The following IWS1 variants were observed in gnomAD, a reference collection of about 807,000 sequenced individuals.
IWS1 encodes the protein protein IWS1 homolog.
In IWS1, 27 loss-of-function variants were observed where a neutral mutation model predicts 86.7. The observed-to-expected ratio is 0.31, with a 90% CI of 0.23 to 0.43. The LOEUF (loss-of-function observed/expected upper bound fraction) is 0.43. IWS1 is among the 20% of genes least tolerant of loss of function. The pLI is 1.00. For missense variants in IWS1, 827 were observed against 1,000.8 expected, an observed-to-expected ratio of 0.83 and a Z score of 2.34; for synonymous variants, 313 against 335.1, an observed-to-expected ratio of 0.93 and a Z score of 0.72.
intron 8 of IWS1, among the ~76,000 whole-genome samples, chr2:127,494,022 T>G (rs1459492753): frequency 6.6e-6 from 1 of 152,084 alleles, no homozygotes; most frequent in African/African-American, 2.4e-5. Context: ...GGCAGCTCAC[T>G]GATGCACCAA....
chr2:127,502,936 T>C (rs1438363720), intron 4 of IWS1, 64 bp from the exon 5 acceptor site: 12 of 933,210 alleles, frequency 1.3e-5, no homozygotes, highest in Non-Finnish European at 1.9e-5. Flanking sequence ...GGAACCATTT[T>C]TTAAAAAATA....
chr2:127,518,691 G>A lies in IWS1; in HGVS notation c.150+4985C>T, dbSNP rs539502362. 7.1e-4 allele frequency among the ~76,000 whole-genome samples: 107 copies of A among 150,136 alleles called. 2 individuals carry two copies. Among genetic ancestry groups the A allele is most frequent in the Admixed American group, 1.4e-3 (21 of 14,980 alleles). On this transcript the variant is annotated intron_variant, in intron 2 of 13. Coordinates refer to ENST00000295321, the MANE Select transcript of IWS1 (RefSeq NM_017969.3). The stretch of plus-strand genomic sequence containing the variant: ...AGTGATTCTCCGGCCTCAGCCTCCC[G>A]AGTAGCTGGGATTATAGGAGCCTGT...
chr2:127,506,103 T>C (rs1197305471), intron 2 of IWS1, among the ~76,000 whole-genome samples: 2 of 152,214 alleles, frequency 1.3e-5, no homozygotes, highest in East Asian at 3.8e-4. Context: ...AACTCTAGGC[T>C]GGACAAGGTG....
chr2:127,494,245 T>TAAAAAAAAAA (rs11327472), intron 8 of IWS1, among the ~76,000 whole-genome samples: 3 of 94,072 alleles, frequency 3.2e-5, no homozygotes, highest in African/African-American at 4.3e-5. Flanking sequence ...TGTCTCTAAT[T>TAAAAAAAAAA]AAAAAAAAAA....
intron 13 of IWS1, among the ~76,000 whole-genome samples, chr2:127,483,603 GCTGT>G (rs1234674582): frequency 1.2e-4 from 1 of 8,426 alleles, no homozygotes; most frequent in Admixed American, 1.9e-3. Context: ...GGGGGGTTGG[GCTGT>G]GTGTGTGTGT....
intron 13 of IWS1, among the ~76,000 whole-genome samples, chr2:127,481,938 C>T (rs1689653621): frequency 6.6e-6 from 1 of 151,972 alleles, no homozygotes; most frequent in African/African-American, 2.4e-5. Flanking sequence ...AAGTCTTTAC[C>T]CATTTGCCCT....
intron 5 of IWS1, among the ~76,000 whole-genome samples, chr2:127,500,473 T>C (rs1334160281): frequency 6.6e-6 from 1 of 152,176 alleles, no homozygotes; most frequent in African/African-American, 2.4e-5. Flanking sequence ...TAAAGTGACC[T>C]CTTTATCTTA....
rs886107527 is a variant in IWS1 at position 127,511,710 on chromosome 2, G to A, written c.151-5958C>T. 2.6e-5 allele frequency among the ~76,000 whole-genome samples: 4 copies of A among 152,172 alleles called. No homozygotes were observed. In the East Asian group the frequency reaches 5.8e-4, roughly 22 times the overall value. ...CTCAAAATACACTCACTAAAATGAA[G>A]AAACCCCACAAGCAATGCTTAACAT... On this transcript the variant is annotated intron_variant, in intron 2 of 13. Transcript: ENST00000295321.
At chr2:127,503,705 T>TAAAA (rs869033410) in intron 3 of IWS1, 129 bp from the exon 4 acceptor site, 2 of 298,740 alleles carry the variant, frequency 6.7e-6, no homozygotes, top group Non-Finnish European at 5.4e-6. Flanking sequence ...AATAAATAAA[T>TAAAA]AAAATAAAAT....
In IWS1 at chr2:127,503,537, GA is replaced by G. The variant is rs770164680; in HGVS notation, c.1258del (p.Ser420LeufsTer17). On this transcript the variant is annotated frameshift_variant, in exon 4 of 14. Transcript: ENST00000295321. LOFTEE classifies it high-confidence loss of function. ...KSRVVSDADD[S>X]DSDAVSDKSG... ...CTTGTCTGATACAGCATCACTGTCA[GA>G]GTCATCTGCATCAGAGACAACACGA... 6.2e-7 allele frequency: 1 copy of G among 1,611,772 alleles called. No homozygotes were observed. Among genetic ancestry groups the G allele is most frequent in the South Asian group, 1.1e-5 (1 of 90,694 alleles).
chr2:127,501,076 G>A (rs1032367783), intron 5 of IWS1, among the ~76,000 whole-genome samples: 1 of 151,990 alleles, frequency 6.6e-6, no homozygotes, highest in Non-Finnish European at 1.5e-5. Context: ...TACTCATTTA[G>A]ACTTATACAC....
rs1016998624 is a variant in IWS1 at position 127,508,318 on chromosome 2, T to G, written c.151-2566A>C. ...AAGTATGTATATGATATTTCAAAAG[T>G]GTACTGGAAGTGCATCTATATGAAA... On this transcript the variant is annotated intron_variant, in intron 2 of 13. Transcript: ENST00000295321. 3.3e-5 allele frequency among the ~76,000 whole-genome samples: 5 copies of G among 150,750 alleles called. No individual in the cohort carries two copies. In the East Asian group the frequency reaches 9.9e-4, roughly 30 times the overall value.
chr2:127,492,154 C>T (rs1690260646), intron 9 of IWS1, 66 bp from the exon 10 acceptor site: 1 of 967,000 alleles, frequency 1.0e-6, no homozygotes, highest in East Asian at 2.4e-5. Context: ...CTAGTCTATT[C>T]TAGAGACCTG....
At chr2:127,495,181 G>T (rs1268198586) in intron 7 of IWS1, among the ~76,000 whole-genome samples, 2 of 152,042 alleles carry the variant, frequency 1.3e-5, no homozygotes, top group Non-Finnish European at 2.9e-5. Flanking sequence ...ACTACAAATT[G>T]AGAGAAACAA....
In IWS1 at chr2:127,504,609, G is replaced by A. The variant is rs190535046; in HGVS notation, c.1219+75C>T. 4.9e-5 allele frequency: 50 copies of A among 1,026,258 alleles called. No homozygotes were observed. In the East Asian group the frequency reaches 1.1e-3, roughly 22 times the overall value. The allele number at this position is 1,026,258 out of a possible 1,614,324, so 63.6% of individuals were successfully genotyped here. ...AGAACACAGATCTGACATACCAAGAGGATACAATGTTCCACAGTTACAAGC... is the reference window on the plus strand; with the variant it reads ...AGAACACAGATCTGACATACCAAGAAGATACAATGTTCCACAGTTACAAGC... On this transcript the variant is annotated intron_variant, in intron 3 of 13. Coordinates refer to ENST00000295321, the MANE Select transcript of IWS1 (RefSeq NM_017969.3).
intron 12 of IWS1, chr2:127,487,921 C>G (rs953728968): frequency 6.6e-6 from 1 of 152,288 alleles, no homozygotes; most frequent in African/African-American, 2.4e-5. Context: ...TTCCCTGTAA[C>G]TCTTACTTTC....
chr2:127,496,113 T>C lies in IWS1; in HGVS notation c.1601A>G (p.Gln534Arg), dbSNP rs1690497936. ...CTTGCCACTCATGCTCTTTTTTCGC[T>C]GCAACATCATCTCAAAATCTGACAG... ...DFLSDFEMML[Q>R]RKKSMSGKRR... is the part of the protein sequence containing the mutation. Residue 534 changes from glutamine (Q) to arginine (R), a missense_variant, in exon 7 of 14, where the codon CAG (glutamine) becomes CGG (arginine). Physicochemically the swap from Gln to Arg is conservative, Grantham distance 43. Coordinates refer to ENST00000295321, the MANE Select transcript of IWS1 (RefSeq NM_017969.3). 1 of 1,613,928 alleles carries C rather than the reference T, an allele frequency of 6.2e-7. No individual in the cohort carries two copies. The highest frequency in any genetic ancestry group is 8.5e-7 in the Non-Finnish European group (1 of 1,179,938).
Position 127,505,805 on chromosome 2 carries a change from T to A in IWS1, c.151-53A>T. 1 of 1,129,146 alleles carries A rather than the reference T, an allele frequency of 8.9e-7. No individual in the cohort carries two copies. The highest frequency in any genetic ancestry group is 1.2e-6 in the Non-Finnish European group (1 of 800,828). 69.9% of individuals were successfully genotyped at this position (1,129,146 alleles called of 1,614,324 possible). A position where few individuals can be genotyped will look rare whatever the true frequency, so the allele number is the denominator to read the frequency against. Reference sequence around the variant, plus strand: ...GAAAGTGCAAAAAAAAAAAAACCATTAATAATAAAACATTAAATTTTTTCT... The same window carrying A: ...GAAAGTGCAAAAAAAAAAAAACCATAAATAATAAAACATTAAATTTTTTCT... On this transcript the variant is annotated intron_variant, in intron 2 of 13. Transcript: ENST00000295321. The surrounding 1 kb of genome is among the most constrained non-coding windows in gnomAD (Gnocchi z 5.0).
rs72838652 is a variant in IWS1, at chr2:127,515,880, G to C, written c.150+7796C>G. Among the ~76,000 whole-genome samples, 1,518 of 152,256 alleles carry C rather than the reference G, an allele frequency of 1.0e-2. 8 individuals are homozygous for C. Among genetic ancestry groups the C allele is most frequent in the Middle Eastern group, 0.037 (11 of 294 alleles). On this transcript the variant is annotated intron_variant, in intron 2 of 13. Transcript: ENST00000295321. ...GGGCTTCCTTCCCAGGAAGAGCAGG[G>C]CATCAGCATCTCTCATCCGGCTCCC...
Sources: gnomAD v4.1 joint callset for allele counts (sites outside exome capture counted in the v4.1 genomes callset) on GRCh38, gnomAD v4.1.1 for gene constraint, Gnocchi (gnomAD v3.1) non-coding constraint, MANE v1.5 for transcripts, NCBI Gene and HGNC (gene_info 2026-07-23, HGNC 2026-07-21) for gene names.